EXT1: variants seen among roughly 807,000 people sequenced by gnomAD.
EXT1 encodes the protein exostosin-1.
Under a neutral mutation model 82.5 loss-of-function variants are expected in EXT1, and 20 were observed. The observed-to-expected ratio is 0.24, with a 90% CI of 0.17 to 0.35. The LOEUF (loss-of-function observed/expected upper bound fraction) is 0.35. Ranked by LOEUF, EXT1 falls within the 10% of genes least tolerant of loss-of-function variation. The pLI is 1.00. For synonymous variants in EXT1, 348 were observed against 350.8 expected (o/e 0.99, Z 0.09); for missense variants, 757 against 936.5 (o/e 0.81, Z 2.50).
In EXT1 at chr8:117,822,543, T is replaced by G; in HGVS notation, c.1339A>C (p.Lys447Gln). ...HISRNSLIWNKHPGGLFVLPQ... is the reference protein window; with the variant it reads ...HISRNSLIWNQHPGGLFVLPQ... ...AGTACGAACAATCCTCCAGGATGTT[T>G]GTTCCATATTAAACTGTTACGTGAT... The change falls in exon 5 of 11, where the codon AAA (lysine) becomes CAA (glutamine). Residue 447 changes from lysine to glutamine, a missense_variant. This residue lies in a region of EXT1 where 207 missense variants were observed against 224.2 expected (regional missense o/e 0.92). Coordinates refer to ENST00000378204, the MANE Select transcript of EXT1 (RefSeq NM_000127.3). The G allele has an allele frequency of 6.2e-7, 1 of 1,613,430 alleles. No homozygotes were observed. Among genetic ancestry groups the G allele is most frequent in the Non-Finnish European group, 8.5e-7 (1 of 1,179,638 alleles).
At chr8:117,831,110 C>A (rs1812092561) in intron 3 of EXT1, among the ~76,000 whole-genome samples, 3 of 152,290 alleles carry the variant, frequency 2.0e-5, no homozygotes, top group African/African-American at 4.8e-5. Context: ...GAAGCCACCA[C>A]AGGGACGTCA....
At chr8:117,989,046 C>CT (rs1815380314) in intron 1 of EXT1, among the ~76,000 whole-genome samples, 1 of 135,122 alleles carries the variant, frequency 7.4e-6, no homozygotes, top group Non-Finnish European at 1.5e-5. Context: ...GGCCACACAG[C>CT]TAGACCCCTC....
At chr8:117,932,609 A>C (rs550563435) in intron 1 of EXT1, among the ~76,000 whole-genome samples, 5 of 151,486 alleles carry the variant, frequency 3.3e-5, no homozygotes, top group South Asian at 4.2e-4. Flanking sequence ...ACTTCCCTCC[A>C]CCCCTCTTTT....
intron 1 of EXT1, among the ~76,000 whole-genome samples, chr8:118,038,848 C>G (rs570691416): frequency 3.0e-4 from 46 of 152,372 alleles, no homozygotes; most frequent in African/African-American, 1.1e-3. Context: ...TTTGTACATG[C>G]ACCATGGCCT....
At chr8:118,076,848 G>GA (rs1158339496) in intron 1 of EXT1, among the ~76,000 whole-genome samples, 1 of 152,074 alleles carries the variant, frequency 6.6e-6, no homozygotes, top group Non-Finnish European at 1.5e-5. Context: ...CATATAGATA[G>GA]AAAATCAAGA....
intron 1 of EXT1, among the ~76,000 whole-genome samples, chr8:117,943,675 T>C (rs1164439603): frequency 2.0e-5 from 3 of 152,204 alleles, no homozygotes; most frequent in African/African-American, 7.2e-5. Flanking sequence ...AGAGGTAAAA[T>C]TATCAGTGAT....
rs562629427 is a variant in EXT1 at position 117,916,277 on chromosome 8, C to T, written c.963-79076G>A. 1.1e-3 allele frequency among the ~76,000 whole-genome samples: 168 copies of T among 152,160 alleles called. 2 individuals are homozygous for T. Among genetic ancestry groups the T allele is most frequent in the Non-Finnish European group, 1.6e-3 (110 of 68,038 alleles). On this transcript the variant is annotated intron_variant, in intron 1 of 10. Transcript: ENST00000378204. ...GATAATTCCATGCTGCAAATGTTTC[C>T]TCCTCTCTTCTACCAGAGGTGTGTT...
chr8:117,939,571 G>GAAAAAAA (rs11420757), intron 1 of EXT1, among the ~76,000 whole-genome samples: 3 of 122,868 alleles, frequency 2.4e-5, no homozygotes, highest in South Asian at 2.7e-4. Flanking sequence ...CTCCATCTCT[G>GAAAAAAA]AAAAAAAAAA....
At chr8:117,849,393 A>G (rs1812417906) in intron 1 of EXT1, among the ~76,000 whole-genome samples, 1 of 152,192 alleles carries the variant, frequency 6.6e-6, no homozygotes, top group African/African-American at 2.4e-5. Context: ...GGCCCACAGT[A>G]ATCTTTTAGG....
rs939661332 is a variant in EXT1, at chr8:117,797,846, T to A, written c.*1866A>T. On this transcript the variant is annotated 3_prime_UTR_variant, in exon 11 of 11. Transcript: ENST00000378204. The stretch of plus-strand genomic sequence containing the variant: ...GAGAATGGACTATGGATGGGTCCAA[T>A]TAGATGAGAGAGGTATTTAGGGAGC... 7 of 152,150 alleles carry A rather than the reference T, an allele frequency of 4.6e-5. No individual in the cohort carries two copies. Among genetic ancestry groups the A allele is most frequent in the Non-Finnish European group, 1.5e-5 (1 of 68,028 alleles). The allele number at this position is 152,150 out of a possible 1,614,324, so 9.4% of individuals were successfully genotyped here. A position where few individuals can be genotyped will look rare whatever the true frequency, so the allele number is the denominator to read the frequency against.
chr8:117,972,976 C>T (rs1814972944), intron 1 of EXT1, among the ~76,000 whole-genome samples: 4 of 152,050 alleles, frequency 2.6e-5, no homozygotes, highest in African/African-American at 7.2e-5. Flanking sequence ...ACTGCCAAAC[C>T]GTATCAATAT....
chr8:118,055,400 G>A (rs535587678), intron 1 of EXT1, among the ~76,000 whole-genome samples: 6 of 152,168 alleles, frequency 3.9e-5, no homozygotes, highest in South Asian at 2.1e-4. Flanking sequence ...GGGCATCTGC[G>A]TTGTTTCCAG....
intron 1 of EXT1, among the ~76,000 whole-genome samples, chr8:118,029,034 TAGGC>T (rs1272606175): frequency 1.3e-5 from 2 of 152,184 alleles, no homozygotes; most frequent in Non-Finnish European, 2.9e-5. Flanking sequence ...ATTGTCTAGT[TAGGC>T]AGTATGTTCT....
At chr8:117,932,109 T>C (rs1419252000) in intron 1 of EXT1, among the ~76,000 whole-genome samples, 1 of 152,244 alleles carries the variant, frequency 6.6e-6, no homozygotes, top group African/African-American at 2.4e-5. Context: ...ATTGTCCATA[T>C]TGAATTTTGC....
intron 1 of EXT1, among the ~76,000 whole-genome samples, chr8:117,968,776 A>G (rs1814880036): frequency 1.5e-5 from 1 of 67,844 alleles, no homozygotes; most frequent in Non-Finnish European, 2.4e-5. Context: ...TCACCAGGTT[A>G]GCCAGGATGG....
At chr8:118,079,123 G>C (rs1007779366) in intron 1 of EXT1, among the ~76,000 whole-genome samples, 5 of 152,048 alleles carry the variant, frequency 3.3e-5, no homozygotes, top group African/African-American at 1.2e-4. Flanking sequence ...TGACGAATCA[G>C]GAAAATAGTC....
intron 1 of EXT1, among the ~76,000 whole-genome samples, chr8:117,866,295 A>G (rs17503851): frequency 1.1e-3 from 171 of 152,324 alleles, no homozygotes; most frequent in African/African-American, 3.9e-3. Flanking sequence ...ATAATTTTCA[A>G]TTAAGCAGAG....
At chr8:118,030,957 A>C (rs1229006901) in intron 1 of EXT1, among the ~76,000 whole-genome samples, 1 of 152,190 alleles carries the variant, frequency 6.6e-6, no homozygotes, top group African/African-American at 2.4e-5. Context: ...AAGGTGATCA[A>C]ATTCTTCCCT....
At chr8:117,952,510 G>A (rs546059264) in intron 1 of EXT1, among the ~76,000 whole-genome samples, 1 of 152,326 alleles carries the variant, frequency 6.6e-6, no homozygotes, top group Non-Finnish European at 1.5e-5. Context: ...TCTCACACCT[G>A]TAATCCCAGC....
Sources: gnomAD v4.1 joint callset for allele counts (sites outside exome capture counted in the v4.1 genomes callset) on GRCh38, gnomAD v4.1.1 for gene constraint, gnomAD v4.1.1 regional missense constraint, MANE v1.5 for transcripts, NCBI Gene and HGNC (gene_info 2026-07-23, HGNC 2026-07-21) for gene names.